The following RYR1 variants were observed in gnomAD, a reference collection of about 807,000 sequenced individuals.
The protein encoded by RYR1 is ryanodine receptor 1.
RYR1 carries 342 observed loss-of-function variants against 583.5 expected under a neutral mutation model. That is an observed-to-expected ratio of 0.59 (90% confidence interval 0.54 to 0.64). The LOEUF is 0.64. Among genes scored for constraint, RYR1 ranks in the 30% least tolerant of loss-of-function variants. The probability of loss-of-function intolerance (pLI) is 0.00; values close to 1 mark genes in which losing one functional copy is unlikely to be tolerated. For synonymous variants in RYR1, 2,791 were observed against 2,822.5 expected, an observed-to-expected ratio of 0.99 and a Z score of 0.35; for missense variants, 6,032 against 6,917.2, an observed-to-expected ratio of 0.87 and a Z score of 4.54.
At chr19:38,488,949 G>C (rs528577417) in intron 34 of RYR1, among the ~76,000 whole-genome samples, 1 of 152,318 alleles carries the variant, frequency 6.6e-6, no homozygotes, top group South Asian at 2.1e-4. Flanking sequence ...CTCATATTTG[G>C]GTCTGTGGTC....
At chr19:38,518,387 T>G (rs1971068705) in intron 66 of RYR1, among the ~76,000 whole-genome samples, 1 of 127,640 alleles carries the variant, frequency 7.8e-6, no homozygotes. Flanking sequence ...TGGTGAAACC[T>G]CGTCTCTATT....
chr19:38,457,585 G>A lies in RYR1; in HGVS notation c.1880G>A (p.Gly627Asp). The A allele has an allele frequency of 6.2e-7, 1 of 1,614,098 alleles. No individual in the cohort carries two copies. Among genetic ancestry groups the A allele is most frequent in the Non-Finnish European group, 8.5e-7 (1 of 1,180,030 alleles). ...CTTATTACTGAGAACTTGCTGCCTG[G>A]CCGTGAGCTTCTGCTGCAGACAAAC... ...QDLITENLLP[G>D]RELLLQTNLI... The change falls in exon 17 of 106, where the codon GGC becomes GAC. Residue 627 changes from glycine (G) to aspartate (D), a missense_variant. Gly to Asp is a moderately conservative substitution (Grantham distance 94). This residue lies in a region of RYR1 where 2,627 missense variants were observed against 2,961.3 expected (regional missense o/e 0.89). Coordinates refer to ENST00000359596, the MANE Select transcript of RYR1 (RefSeq NM_000540.3).
intron 71 of RYR1, 183 bp from the exon 72 acceptor site, chr19:38,526,809 CG>C (rs1446848632): frequency 1.5e-5 from 9 of 609,398 alleles, no homozygotes; most frequent in Non-Finnish European, 2.6e-5. Context: ...TGTGACCCTC[CG>C]GCCCCTCTAG....
In RYR1 at chr19:38,534,746, C is replaced by T. The variant is rs1971890040; in HGVS notation, c.11286C>T (p.Leu3762=). The T allele has an allele frequency of 6.2e-7, 1 of 1,614,040 alleles. No individual in the cohort carries two copies. Among genetic ancestry groups the T allele is most frequent in the Non-Finnish European group, 8.5e-7 (1 of 1,179,998 alleles). ...FEEKQMEKQR[L]LYQQARLHTR... ...AGAAACAGATGGAGAAGCAGAGGCT[C>T]TTGTACCAGCAAGCACGGCTGCACA... Residue 3762 remains leucine, a synonymous_variant, in exon 79 of 106, where the codon CTC becomes CTT. Transcript: ENST00000359596.
chr19:38,471,399 A>G (rs1455699162), intron 27 of RYR1, among the ~76,000 whole-genome samples: 2 of 152,046 alleles, frequency 1.3e-5, no homozygotes, highest in African/African-American at 4.8e-5. Context: ...GCATGGTGGT[A>G]TGTGCCTGTG....
chr19:38,537,014 C>G (rs561431199), intron 83 of RYR1: 1 of 593,378 alleles, frequency 1.7e-6, no homozygotes, highest in African/African-American at 1.9e-5. Context: ...GCTTCACTTT[C>G]CCCATGTGTG....
At chr19:38,470,896 C>T (rs1014425811) in intron 27 of RYR1, among the ~76,000 whole-genome samples, 4 of 152,112 alleles carry the variant, frequency 2.6e-5, no homozygotes, top group East Asian at 3.8e-4. Context: ...GTGGCTGGGA[C>T]GGGGCAGTAC....
rs148311475 is a variant in RYR1, at chr19:38,506,839, C to G, written c.8703C>G (p.Thr2901=). Residue 2901 remains threonine (T), a synonymous_variant, in exon 57 of 106, where the codon ACC becomes ACG. Transcript: ENST00000359596. ...TCTTTGCCTCCCCAGGCGGTGGGAC[C>G]CACCCCCTGCTGGTCCCCTACGACA... The part of the protein sequence containing the change: ...KQELEAKGGG[T]HPLLVPYDTL... The G allele has an allele frequency of 5.6e-6, 9 of 1,614,062 alleles. No homozygotes were observed. Among genetic ancestry groups the G allele is most frequent in the Non-Finnish European group, 7.6e-6 (9 of 1,180,036 alleles).
At chr19:38,534,971 C>G (rs2145745029) in intron 79 of RYR1, 152 bp downstream of exon 79, 1 of 1,086,390 alleles carries the variant, frequency 9.2e-7, no homozygotes, top group Non-Finnish European at 1.4e-6. Flanking sequence ...CCTTGTATAC[C>G]TGCCTTGCAA....
At position 38,496,997 on chromosome 19, in the gene RYR1, C is replaced by A; in HGVS notation, c.6891+43C>A. 1 of 1,546,710 alleles carries A rather than the reference C, an allele frequency of 6.5e-7. No individual in the cohort carries two copies. The highest frequency in any genetic ancestry group is 1.1e-5 in the South Asian group (1 of 89,450). ...GGGCCCCAGGCCTAAGGGAGGAAAT[C>A]GGGCCGCTACCCGGCTGCTTGGGAC... On this transcript the variant is annotated intron_variant, in intron 42 of 105. Coordinates refer to ENST00000359596, the MANE Select transcript of RYR1 (RefSeq NM_000540.3). This position sits in a 1 kb window ranked among gnomAD's most constrained non-coding sequence, Gnocchi z 4.8.
chr19:38,497,272 T>C (rs1969886203), intron 42 of RYR1, among the ~76,000 whole-genome samples: 1 of 151,978 alleles, frequency 6.6e-6, no homozygotes, highest in Non-Finnish European at 1.5e-5. Flanking sequence ...ACTTCCGGGC[T>C]GGGGGCGGAT....
intron 75 of RYR1, 90 bp from the exon 76 acceptor site, chr19:38,528,861 G>GAA: frequency 6.7e-7 from 1 of 1,499,112 alleles, no homozygotes; most frequent in Non-Finnish European, 9.2e-7. Context: ...TGGGAAAAGA[G>GAA]AAAAAAAAAT....
At chr19:38,526,617 G>A (rs566028571) in intron 71 of RYR1, among the ~76,000 whole-genome samples, 12 of 143,574 alleles carry the variant, frequency 8.4e-5, no homozygotes, top group Admixed American at 2.9e-4. Context: ...GTTGACCTAC[G>A]TGATCCCCCA....
In RYR1 at chr19:38,516,288, A is replaced by G. The variant is rs543735454; in HGVS notation, c.9685+71A>G. On this transcript the variant is annotated intron_variant, in intron 65 of 105. Transcript: ENST00000359596. ...CAGCACAGGGCCTTGGGGAGACCCT[A>G]ATTTGGGGGTAGTGTGGCTGGGCTG... The G allele has an allele frequency of 1.9e-4, 280 of 1,512,946 alleles. 1 individual carries two copies. In the African/African-American group the frequency reaches 3.6e-3, roughly 19 times the overall value. 93.7% of individuals were successfully genotyped at this position (1,512,946 alleles called of 1,614,324 possible). A position where few individuals can be genotyped will look rare whatever the true frequency, so the allele number is the denominator to read the frequency against.
intron 89 of RYR1, among the ~76,000 whole-genome samples, chr19:38,559,369 GATTACAGGCACGC>G (rs966658213): frequency 6.6e-5 from 10 of 151,614 alleles, no homozygotes. Context: ...AAGTAGCTGG[GATTACAGGCACGC>G]ACCATCATGC....
At chr19:38,547,141 G>A (rs181117819) in intron 88 of RYR1, among the ~76,000 whole-genome samples, 1 of 149,786 alleles carries the variant, frequency 6.7e-6, no homozygotes, top group South Asian at 2.1e-4. Flanking sequence ...CCAGGTTCAC[G>A]CCATTCTCCT....
chr19:38,543,492 C>A lies in RYR1; in HGVS notation c.11779-40C>A. ...GGGTCGGGGGCTGCAGGGCCATGGT[C>A]GGCCCCAGCACCCCCTCACACCCTA... On this transcript the variant is annotated intron_variant, in intron 85 of 105. Transcript: ENST00000359596. This position sits in a 1 kb window ranked among gnomAD's most constrained non-coding sequence, Gnocchi z 4.4. 1 of 1,614,124 alleles carries A rather than the reference C, an allele frequency of 6.2e-7. No homozygotes were observed. The highest frequency in any genetic ancestry group is 1.1e-5 in the South Asian group (1 of 91,030).
Position 38,561,109 on chromosome 19 carries a change from C to T in RYR1, c.12283-4C>T, listed in dbSNP as rs2145830478. 6.2e-7 allele frequency: 1 copy of T among 1,614,094 alleles called. No individual in the cohort carries two copies. The highest frequency in any genetic ancestry group is 2.2e-5 in the East Asian group (1 of 44,884). ...ACCCCACTGACCTCCCTGCCCGCCC[C>T]CAGGCCATGGACAGCCAGAAGCAGT... On this transcript the variant is annotated splice_region_variant and splice_polypyrimidine_tract_variant and intron_variant, in intron 89 of 105. Transcript: ENST00000359596. The surrounding 1 kb of genome is among the most constrained non-coding windows in gnomAD (Gnocchi z 4.8).
At position 38,482,002 on chromosome 19, in the gene RYR1, C is replaced by T. The variant is rs184059478; in HGVS notation, c.4621-1025C>T. Among the ~76,000 whole-genome samples, 401 of 152,126 alleles carry T rather than the reference C, an allele frequency of 2.6e-3. 1 individual carries two copies. Among genetic ancestry groups the T allele is most frequent in the South Asian group, 4.4e-3 (21 of 4,822 alleles). On this transcript the variant is annotated intron_variant, in intron 31 of 105. Coordinates refer to ENST00000359596, the MANE Select transcript of RYR1 (RefSeq NM_000540.3). Reference sequence around the variant, plus strand: ...ACTTGGGAGGCTGAGACAGGAGAATCGCTTGAACGTGGGAGGTGGAGTTTG... The same window carrying T: ...ACTTGGGAGGCTGAGACAGGAGAATTGCTTGAACGTGGGAGGTGGAGTTTG...
Sources: gnomAD v4.1 joint callset for allele counts (sites outside exome capture counted in the v4.1 genomes callset) on GRCh38, gnomAD v4.1.1 for gene constraint, gnomAD v4.1.1 regional missense constraint, Gnocchi (gnomAD v3.1) non-coding constraint, MANE v1.5 for transcripts, NCBI Gene and HGNC (gene_info 2026-07-23, HGNC 2026-07-21) for gene names.